The following SCN8A variants were observed in gnomAD, a reference collection of about 807,000 sequenced individuals.
SCN8A encodes sodium channel protein type 8 subunit alpha.
SCN8A carries 30 observed loss-of-function variants against 184.1 expected under a neutral mutation model. The ratio of observed to expected loss-of-function variants is 0.16; its 90% CI spans 0.12 to 0.22. The LOEUF (loss-of-function observed/expected upper bound fraction) is 0.22, where lower values mean the gene tolerates loss of function less well. Ranked by LOEUF, SCN8A falls within the 10% of genes least tolerant of loss-of-function variation. The probability of loss-of-function intolerance (pLI) is 1.00; values close to 1 mark genes in which losing one functional copy is unlikely to be tolerated. For missense variants in SCN8A, 1,057 were observed against 2,498.9 expected, an observed-to-expected ratio of 0.42 and a Z score of 12.30; for synonymous variants, 852 against 907.0, an observed-to-expected ratio of 0.94 and a Z score of 1.09.
chr12:51,793,705 G>A (rs1938329613), intron 25 of SCN8A, among the ~76,000 whole-genome samples: 2 of 152,188 alleles, frequency 1.3e-5, no homozygotes, highest in Non-Finnish European at 2.9e-5. Flanking sequence ...GGGTATAGTG[G>A]TGCACACCTG....
At chr12:51,598,677 TAA>T (rs1950808349) in intron 1 of SCN8A, among the ~76,000 whole-genome samples, 1 of 152,230 alleles carries the variant, frequency 6.6e-6, no homozygotes, top group African/African-American at 2.4e-5. Context: ...AGTTCGAAGT[TAA>T]GTCTTCTTTT....
intron 11 of SCN8A, among the ~76,000 whole-genome samples, chr12:51,708,930 T>C (rs115422463): frequency 0.011 from 1,749 of 152,284 alleles, 17 homozygotes; most frequent in African/African-American, 0.039. Flanking sequence ...CCTAGAGAGC[T>C]TACAGTACAG....
chr12:51,791,867 G>T (rs140874928), intron 25 of SCN8A, among the ~76,000 whole-genome samples: 10 of 152,074 alleles, frequency 6.6e-5, no homozygotes, highest in African/African-American at 2.2e-4. Context: ...AATAGGGAGG[G>T]ACCCTGTCTC....
intron 20 of SCN8A, chr12:51,780,155 G>T (rs1460679184): frequency 4.5e-6 from 2 of 448,346 alleles, no homozygotes; most frequent in Admixed American, 2.4e-5. Context: ...CTGAGGAGGG[G>T]GCAGCTTGTG....
intron 1 of SCN8A, among the ~76,000 whole-genome samples, chr12:51,625,721 C>T (rs942405400): frequency 2.0e-5 from 3 of 152,164 alleles, no homozygotes; most frequent in African/African-American, 4.8e-5. Flanking sequence ...TAAAATTCAG[C>T]TTATCAAGTA....
intron 22 of SCN8A, among the ~76,000 whole-genome samples, chr12:51,788,287 CTTTT>C (rs66672221): frequency 3.6e-5 from 3 of 84,004 alleles, no homozygotes; most frequent in African/African-American, 5.0e-5. Flanking sequence ...CGCTTAACAC[CTTTT>C]TTTTTTTTTT....
intron 1 of SCN8A, among the ~76,000 whole-genome samples, chr12:51,617,058 G>C (rs760178462): frequency 2.2e-4 from 34 of 151,652 alleles, no homozygotes; most frequent in Non-Finnish European, 4.1e-4. Context: ...GTTTTCATTG[G>C]TTTGATCATG....
chr12:51,698,093 A>G (rs1941624999), intron 6 of SCN8A, among the ~76,000 whole-genome samples: 1 of 152,162 alleles, frequency 6.6e-6, no homozygotes, highest in Non-Finnish European at 1.5e-5. Flanking sequence ...ACCTCAGGTG[A>G]TCCACCTTTC....
At chr12:51,690,901 G>A (rs1374474485) in intron 6 of SCN8A, among the ~76,000 whole-genome samples, 1 of 152,130 alleles carries the variant, frequency 6.6e-6, no homozygotes, top group Non-Finnish European at 1.5e-5. Context: ...TCAACCAAAG[G>A]CTGGGTGTCA....
At chr12:51,626,870 A>G (rs995004941) in intron 1 of SCN8A, among the ~76,000 whole-genome samples, 2 of 151,032 alleles carry the variant, frequency 1.3e-5, no homozygotes, top group Admixed American at 6.6e-5. Flanking sequence ...ATTTATTTAG[A>G]TTTTTTTAGC....
intron 9 of SCN8A, among the ~76,000 whole-genome samples, chr12:51,704,670 CAA>C (rs34946747): frequency 1.7e-3 from 154 of 93,056 alleles, no homozygotes; most frequent in East Asian, 4.3e-3. Context: ...ACTCCACCTA[CAA>C]AAAAAAAAAA....
At chr12:51,769,359 C>T (rs368300612) in intron 17 of SCN8A, 24 bp downstream of exon 17, 53 of 1,529,244 alleles carry the variant, frequency 3.5e-5, no homozygotes, top group Non-Finnish European at 4.1e-5. Context: ...CTAGAAACAG[C>T]CTTGATCCTG....
At chr12:51,648,823 A>G (rs1940647604) in intron 1 of SCN8A, among the ~76,000 whole-genome samples, 1 of 152,020 alleles carries the variant, frequency 6.6e-6, no homozygotes, top group African/African-American at 2.4e-5. Flanking sequence ...GCCCCTCCAA[A>G]TCTCATGTCC....
intron 26 of SCN8A, among the ~76,000 whole-genome samples, chr12:51,801,829 C>T (rs970957320): frequency 3.9e-5 from 6 of 152,170 alleles, no homozygotes; most frequent in Admixed American, 3.3e-4. Flanking sequence ...CTGAGGGGGG[C>T]GGATCACTTG....
rs781190497 is a variant in SCN8A at position 51,686,449 on chromosome 12, G to A, written c.477G>A (p.Lys159=). The A allele has an allele frequency of 2.5e-6, 4 of 1,598,692 alleles. No homozygotes were observed. Among genetic ancestry groups the A allele is most frequent in the Non-Finnish European group, 3.4e-6 (4 of 1,166,414 alleles). ...MTFSNPPDWS[K]NVEYTFTGIY... ...TTAGTAACCCTCCTGACTGGTCGAAGAATGTGGAGTAAGTAACTCATTTAT... is the reference window on the plus strand; with the variant it reads ...TTAGTAACCCTCCTGACTGGTCGAAAAATGTGGAGTAAGTAACTCATTTAT... The change falls in exon 4 of 27, where the codon AAG becomes AAA. Residue 159 remains lysine (K), a synonymous_variant. Coordinates refer to ENST00000627620, the MANE Select transcript of SCN8A (RefSeq NM_001330260.2).
chr12:51,776,608 G>T (rs1218252993), intron 20 of SCN8A, among the ~76,000 whole-genome samples: 2 of 152,214 alleles, frequency 1.3e-5, no homozygotes, highest in East Asian at 3.8e-4. Flanking sequence ...TGTGCTAGGT[G>T]GGGGGACATT....
chr12:51,648,064 A>G (rs74593133), intron 1 of SCN8A, among the ~76,000 whole-genome samples: 2,819 of 152,236 alleles, frequency 0.019, 85 homozygotes, highest in African/African-American at 0.064. Flanking sequence ...GGGGAGGAGA[A>G]GGGTGGGGGC....
At chr12:51,722,204 CT>C (rs1942080313) in intron 12 of SCN8A, 1 of 530,790 alleles carries the variant, frequency 1.9e-6, no homozygotes, top group Admixed American at 3.6e-5. Flanking sequence ...TCCTTCTCCC[CT>C]ATCAACTCCT....
At chr12:51,715,952 T>C (rs113557529) in intron 11 of SCN8A, among the ~76,000 whole-genome samples, 2 of 152,192 alleles carry the variant, frequency 1.3e-5, no homozygotes, top group African/African-American at 2.4e-5. Context: ...CTGGGAGATA[T>C]AAGGATGAAT....
Sources: gnomAD v4.1 joint callset for allele counts (sites outside exome capture counted in the v4.1 genomes callset) on GRCh38, gnomAD v4.1.1 for gene constraint, MANE v1.5 for transcripts, NCBI Gene and HGNC (gene_info 2026-07-23, HGNC 2026-07-21) for gene names.